The following NTM variants were observed in gnomAD, a reference collection of about 807,000 sequenced individuals.
The protein encoded by NTM is neurotrimin.
Under a neutral mutation model 42.1 loss-of-function variants are expected in NTM, and 13 were observed. The ratio of observed to expected loss-of-function variants is 0.31; its 90% CI spans 0.20 to 0.49. The LOEUF (loss-of-function observed/expected upper bound fraction) is 0.49. Among genes scored for constraint, NTM ranks in the 20% least tolerant of loss-of-function variants. The pLI, the probability that NTM is intolerant of heterozygous loss-of-function variation, is 0.99. For missense variants in NTM, 373 were observed against 452.8 expected, an observed-to-expected ratio of 0.82 and a Z score of 1.60; for synonymous variants, 187 against 179.2, an observed-to-expected ratio of 1.04 and a Z score of -0.35.
At chr11:131,959,887 A>G (rs1465390728) in intron 2 of NTM, among the ~76,000 whole-genome samples, 3 of 152,220 alleles carry the variant, frequency 2.0e-5, no homozygotes, top group African/African-American at 7.2e-5. Flanking sequence ...GTGAGAAACA[A>G]AAGGGAAAGT....
chr11:131,589,956 G>A (rs1035110566), intron 1 of NTM, among the ~76,000 whole-genome samples: 1 of 152,178 alleles, frequency 6.6e-6, no homozygotes, highest in Non-Finnish European at 1.5e-5. Context: ...CAAGGGATAC[G>A]CTCTTCCCCA....
At chr11:132,096,388 G>A (rs1267009790) in intron 2 of NTM, among the ~76,000 whole-genome samples, 2 of 152,164 alleles carry the variant, frequency 1.3e-5, no homozygotes, top group Non-Finnish European at 2.9e-5. Context: ...ATGGGCGAGA[G>A]TTCCTAATCA....
intron 1 of NTM, among the ~76,000 whole-genome samples, chr11:131,625,560 A>ATT (rs377633652): frequency 1.3e-5 from 2 of 149,442 alleles, no homozygotes; most frequent in Admixed American, 1.3e-4. Flanking sequence ...GAAAGGCTTC[A>ATT]TTTTTTTTTT....
At chr11:131,673,193 A>T (rs2070733155) in intron 1 of NTM, among the ~76,000 whole-genome samples, 1 of 152,110 alleles carries the variant, frequency 6.6e-6, no homozygotes, top group Non-Finnish European at 1.5e-5. Flanking sequence ...ATGGATCAAG[A>T]AGGTGACCCC....
At chr11:131,925,319 A>G (rs1381536577) in intron 2 of NTM, among the ~76,000 whole-genome samples, 1 of 152,050 alleles carries the variant, frequency 6.6e-6, no homozygotes, top group Non-Finnish European at 1.5e-5. Context: ...CTTGTTCTCA[A>G]AAATGTTAAA....
chr11:132,188,827 A>G (rs1486805542), intron 3 of NTM, among the ~76,000 whole-genome samples: 3 of 152,220 alleles, frequency 2.0e-5, no homozygotes, highest in Admixed American at 6.5e-5. Flanking sequence ...ATCTAGACCT[A>G]TAGCACTGCA....
chr11:131,626,011 G>A (rs1215695648), intron 1 of NTM, among the ~76,000 whole-genome samples: 1 of 152,132 alleles, frequency 6.6e-6, no homozygotes, highest in African/African-American at 2.4e-5. Flanking sequence ...GTGGCACGTG[G>A]CTACAGTGCA....
chr11:132,051,511 T>C (rs1052481456), intron 2 of NTM, among the ~76,000 whole-genome samples: 11 of 152,130 alleles, frequency 7.2e-5, no homozygotes, highest in Non-Finnish European at 1.6e-4. Context: ...GGAAGTAAGA[T>C]TTTTGGCCAC....
At chr11:131,518,986 C>A (rs369160352) in intron 1 of NTM, among the ~76,000 whole-genome samples, 1 of 152,186 alleles carries the variant, frequency 6.6e-6, no homozygotes, top group African/African-American at 2.4e-5. Flanking sequence ...TATTTCTCTG[C>A]AGAAGTATCA....
intron 1 of NTM, among the ~76,000 whole-genome samples, chr11:131,454,546 A>G (rs1166691526): frequency 1.3e-5 from 2 of 152,204 alleles, no homozygotes; most frequent in Admixed American, 6.5e-5. Flanking sequence ...TTACAGAGCT[A>G]GGAGAGCTAG....
intron 3 of NTM, among the ~76,000 whole-genome samples, chr11:132,172,508 T>A (rs1266668854): frequency 1.3e-5 from 2 of 152,136 alleles, no homozygotes; most frequent in Non-Finnish European, 2.9e-5. Context: ...GAAATCACCC[T>A]CACTTGAAAT....
intron 1 of NTM, among the ~76,000 whole-genome samples, chr11:131,421,510 A>G (rs1045205423): frequency 6.6e-5 from 10 of 152,186 alleles, no homozygotes; most frequent in Non-Finnish European, 1.0e-4. Context: ...AACCCTCCAG[A>G]AAGGCATCCA....
intron 1 of NTM, among the ~76,000 whole-genome samples, chr11:131,528,342 T>C (rs1261636907): frequency 7.7e-6 from 1 of 129,862 alleles, no homozygotes; most frequent in Non-Finnish European, 1.7e-5. Flanking sequence ...ATTAAGCACT[T>C]ACTTTGTGTC....
intron 1 of NTM, among the ~76,000 whole-genome samples, chr11:131,648,823 T>C (rs1592358211): frequency 6.6e-6 from 1 of 152,186 alleles, no homozygotes; most frequent in African/African-American, 2.4e-5. Context: ...TGGGAAGATA[T>C]AGAATCTATC....
At chr11:131,538,277 C>T (rs2052594038) in intron 1 of NTM, 1 of 152,190 alleles carries the variant, frequency 6.6e-6, no homozygotes. Flanking sequence ...ACAATAGTGC[C>T]TCATTTTACA....
At position 131,917,848 on chromosome 11, in the gene NTM, C is replaced by T. The variant is rs531511001; in HGVS notation, c.167+6200C>T. ...ACAGATGGGACCAAGGAGGGAGGCT[C>T]CTGGAAGCACATTCAGCTGTTGAGG... On this transcript the variant is annotated intron_variant, in intron 2 of 8. Transcript: ENST00000683400. 2.0e-5 allele frequency among the ~76,000 whole-genome samples: 3 copies of T among 152,248 alleles called. No homozygotes were observed. In the South Asian group the frequency reaches 6.2e-4, roughly 32 times the overall value.
chr11:132,184,988 G>A (rs10160545), intron 3 of NTM, among the ~76,000 whole-genome samples: 82,680 of 151,890 alleles, frequency 0.54, 23,277 homozygotes, highest in African/African-American at 0.68. Flanking sequence ...GCCACAGCAC[G>A]CTGGATTATT....
chr11:131,673,574 A>G (rs554547906), intron 1 of NTM, among the ~76,000 whole-genome samples: 2 of 152,314 alleles, frequency 1.3e-5, no homozygotes, highest in South Asian at 4.1e-4. Flanking sequence ...CCAGACAGTG[A>G]CGTGATACAG....
chr11:131,955,185 G>C (rs187788132), intron 2 of NTM, among the ~76,000 whole-genome samples: 2 of 152,242 alleles, frequency 1.3e-5, no homozygotes, highest in East Asian at 3.9e-4. Flanking sequence ...GCCTCAGCCC[G>C]CTTGGTTCTT....
Sources: gnomAD v4.1 joint callset for allele counts (sites outside exome capture counted in the v4.1 genomes callset) on GRCh38, gnomAD v4.1.1 for gene constraint, MANE v1.5 for transcripts, NCBI Gene and HGNC (gene_info 2026-07-23, HGNC 2026-07-21) for gene names.